The following RSU1 variants were observed in gnomAD, a reference collection of about 807,000 sequenced individuals.
RSU1 encodes Ras suppressor protein 1, also known as rsu-1.
RSU1 carries 26 observed loss-of-function variants against 31.1 expected under a neutral mutation model. The ratio of observed to expected loss-of-function variants is 0.84; its 90% CI spans 0.61 to 1.16. The LOEUF (loss-of-function observed/expected upper bound fraction) is 1.16. Ranked by LOEUF, RSU1 falls within the 50% of genes most tolerant of loss-of-function variation. RSU1 has a pLI of 0.00. For synonymous variants in RSU1, 164 were observed against 136.3 expected (o/e 1.20, Z -1.41); for missense variants, 320 against 339.1 (o/e 0.94, Z 0.44).
intron 8 of RSU1, among the ~76,000 whole-genome samples, chr10:16,628,154 T>C (rs777382008): frequency 1.3e-5 from 2 of 152,232 alleles, no homozygotes; most frequent in Admixed American, 6.5e-5. Context: ...AATCTGCCAA[T>C]TGATTAAACA....
chr10:16,765,610 T>C (rs1302322543), intron 3 of RSU1, among the ~76,000 whole-genome samples: 1 of 152,238 alleles, frequency 6.6e-6, no homozygotes, highest in Non-Finnish European at 1.5e-5. Flanking sequence ...TTCCATAGAC[T>C]GTAATTCATC....
chr10:16,766,847 C>T lies in RSU1; in HGVS notation c.161-2337G>A, dbSNP rs141875141. Among the ~76,000 whole-genome samples the T allele has an allele frequency of 8.8e-3, 1,335 of 150,960 alleles. 22 individuals are homozygous for T. Among genetic ancestry groups the T allele is most frequent in the African/African-American group, 0.031 (1,269 of 41,068 alleles). On this transcript the variant is annotated intron_variant, in intron 3 of 8. Transcript: ENST00000345264. Reference sequence around the variant, plus strand: ...TGGCCGACGTGGTGAAACCCCATCTCTACAAAAAATAAATAAATAAATAAA... The same window carrying T: ...TGGCCGACGTGGTGAAACCCCATCTTTACAAAAAATAAATAAATAAATAAA...
At chr10:16,638,767 C>T (rs970988223) in intron 8 of RSU1, among the ~76,000 whole-genome samples, 1 of 152,184 alleles carries the variant, frequency 6.6e-6, no homozygotes, top group Non-Finnish European at 1.5e-5. Context: ...TGGTGGGGTG[C>T]ACGGAGGAGG....
At chr10:16,707,545 G>T (rs1256041023) in intron 7 of RSU1, among the ~76,000 whole-genome samples, 1 of 147,476 alleles carries the variant, frequency 6.8e-6, no homozygotes, top group Non-Finnish European at 1.5e-5. Flanking sequence ...GTCTATTAAG[G>T]TAGTTTGCCC....
At chr10:16,785,429 T>TATATATACACATATATACATATATAC (rs1837757911) in intron 2 of RSU1, among the ~76,000 whole-genome samples, 1 of 93,148 alleles carries the variant, frequency 1.1e-5, no homozygotes, top group African/African-American at 6.8e-5. Context: ...CATATATACA[T>TATATATACACATATATACATATATAC]ATATATATAT....
chr10:16,736,393 A>T (rs768650405), intron 7 of RSU1, among the ~76,000 whole-genome samples: 32 of 152,170 alleles, frequency 2.1e-4, no homozygotes, highest in Non-Finnish European at 3.8e-4. Flanking sequence ...GTTACTAAGC[A>T]CCCTGGTCAA....
At chr10:16,701,662 C>T (rs572328003) in intron 7 of RSU1, among the ~76,000 whole-genome samples, 1 of 152,126 alleles carries the variant, frequency 6.6e-6, no homozygotes, top group African/African-American at 2.4e-5. Context: ...AAAACCACCA[C>T]CCTACCAAAT....
chr10:16,696,540 A>G (rs985186025), intron 7 of RSU1, among the ~76,000 whole-genome samples: 8 of 152,238 alleles, frequency 5.3e-5, no homozygotes, highest in Non-Finnish European at 8.8e-5. Context: ...ACACACTACT[A>G]AATATCAAGA....
intron 8 of RSU1, among the ~76,000 whole-genome samples, chr10:16,690,126 T>C (rs995365286): frequency 5.9e-5 from 9 of 152,128 alleles, no homozygotes; most frequent in Non-Finnish European, 4.4e-5. Flanking sequence ...TGACTTCAAC[T>C]TGACTGCCTC....
intron 7 of RSU1, among the ~76,000 whole-genome samples, chr10:16,720,391 C>A (rs1370088637): frequency 6.6e-6 from 1 of 151,994 alleles, no homozygotes; most frequent in African/African-American, 2.4e-5. Flanking sequence ...ATTAAATGTC[C>A]AACAGAAATG....
intron 2 of RSU1, among the ~76,000 whole-genome samples, chr10:16,787,953 C>T (rs1837829378): frequency 6.6e-6 from 1 of 152,196 alleles, no homozygotes; most frequent in Non-Finnish European, 1.5e-5. Context: ...TAAACAGAAT[C>T]CTGATAGTGG....
intron 2 of RSU1, among the ~76,000 whole-genome samples, chr10:16,807,940 G>C (rs548861657): frequency 6.6e-6 from 1 of 151,122 alleles, no homozygotes; most frequent in Non-Finnish European, 1.5e-5. Flanking sequence ...GGAGAATGGC[G>C]TGAACCTGGG....
intron 8 of RSU1, among the ~76,000 whole-genome samples, chr10:16,652,597 A>C (rs561884382): frequency 6.6e-6 from 1 of 152,292 alleles, no homozygotes; most frequent in South Asian, 2.1e-4. Context: ...ATGTATGTAA[A>C]TTACACTTCA....
chr10:16,654,459 C>T (rs1435347753), intron 8 of RSU1, among the ~76,000 whole-genome samples: 4 of 149,426 alleles, frequency 2.7e-5, no homozygotes, highest in African/African-American at 9.9e-5. Flanking sequence ...CACTTGAGGT[C>T]AGGAGTTTGA....
At chr10:16,709,430 A>T (rs980785191) in intron 7 of RSU1, among the ~76,000 whole-genome samples, 24 of 152,102 alleles carry the variant, frequency 1.6e-4, no homozygotes, top group Non-Finnish European at 3.4e-4. Context: ...AGTCTTTGCT[A>T]TTGTGAATAG....
At chr10:16,717,039 G>A (rs527904109) in intron 7 of RSU1, among the ~76,000 whole-genome samples, 1 of 152,180 alleles carries the variant, frequency 6.6e-6, no homozygotes, top group African/African-American at 2.4e-5. Context: ...TTGCTCATAG[G>A]GAAGTATGAA....
rs1835154699 is a variant in RSU1, at chr10:16,673,341, G to A, written c.731+21682C>T. 2.0e-5 allele frequency among the ~76,000 whole-genome samples: 3 copies of A among 152,334 alleles called. No homozygotes were observed. In the South Asian group the frequency reaches 6.2e-4, roughly 32 times the overall value. Reference sequence around the variant, plus strand: ...CAGGACATTTGCTCCAACATGAACAGAGCAGCTACAAATTTTTCTTTTTAC... The same window carrying A: ...CAGGACATTTGCTCCAACATGAACAAAGCAGCTACAAATTTTTCTTTTTAC... On this transcript the variant is annotated intron_variant, in intron 8 of 8. Coordinates refer to ENST00000345264, the MANE Select transcript of RSU1 (RefSeq NM_012425.4).
At chr10:16,675,323 G>A (rs553103682) in intron 8 of RSU1, among the ~76,000 whole-genome samples, 75 of 152,202 alleles carry the variant, frequency 4.9e-4, no homozygotes, top group African/African-American at 1.5e-3. Flanking sequence ...ATGTCTTCCC[G>A]ATGTCACTGT....
At chr10:16,652,392 CAAAAAAAAA>C (rs71505091) in intron 8 of RSU1, among the ~76,000 whole-genome samples, 1 of 89,158 alleles carries the variant, frequency 1.1e-5, no homozygotes, top group Non-Finnish European at 2.2e-5. Flanking sequence ...TGCCCCAAAG[CAAAAAAAAA>C]AAAAAAAAAA....
Sources: gnomAD v4.1 joint callset for allele counts (sites outside exome capture counted in the v4.1 genomes callset) on GRCh38, gnomAD v4.1.1 for gene constraint, MANE v1.5 for transcripts, NCBI Gene and HGNC (gene_info 2026-07-23, HGNC 2026-07-21) for gene names.